TBCD: variants seen among roughly 807,000 people sequenced by gnomAD.
The protein encoded by TBCD is tubulin-specific chaperone D.
A neutral mutation model predicts 169.3 loss-of-function variants in TBCD; 105 were observed. That is an observed-to-expected ratio of 0.62 (90% CI 0.53 to 0.73). The LOEUF (loss-of-function observed/expected upper bound fraction) is 0.73, where lower values mean the gene tolerates loss of function less well. Among genes scored for constraint, TBCD ranks in the 30% least tolerant of loss-of-function variants. The probability of loss-of-function intolerance (pLI) is 0.00; values close to 1 mark genes in which losing one functional copy is unlikely to be tolerated. For missense variants in TBCD, 1,444 were observed against 1,600.1 expected (o/e 0.90, Z 1.66); for synonymous variants, 700 against 643.9 (o/e 1.09, Z -1.32).
At chr17:82,755,163 TGAAA>T (rs572568782) in intron 1 of TBCD, among the ~76,000 whole-genome samples, 22 of 152,144 alleles carry the variant, frequency 1.4e-4, no homozygotes, top group Non-Finnish European at 2.4e-4. Flanking sequence ...GGTGATTGGT[TGAAA>T]GAGTTTATCT....
chr17:82,808,827 G>A lies in TBCD; in HGVS notation c.1149-881G>A, dbSNP rs188467031. Among the ~76,000 whole-genome samples, 509 of 150,382 alleles carry A rather than the reference G, an allele frequency of 3.4e-3. 5 individuals are homozygous for A. Among genetic ancestry groups the A allele is most frequent in the African/African-American group, 0.012 (478 of 40,758 alleles). On this transcript the variant is annotated intron_variant, in intron 11 of 38. Transcript: ENST00000355528. ...CTGAGGTGTCAGGGAGGTCCCTGCT[G>A]TGGAAGGGATGAAGCAGGTGGAGGG... is the stretch of plus-strand genomic sequence containing the variant.
At chr17:82,909,333 T>C (rs1159124979) in intron 22 of TBCD, 26 bp downstream of exon 22, 6 of 1,517,202 alleles carry the variant, frequency 4.0e-6, no homozygotes, top group Admixed American at 2.0e-5. Context: ...CCAAAGTTCT[T>C]ATATCTGTGT....
chr17:82,891,633 C>T (rs1028169768), intron 16 of TBCD, among the ~76,000 whole-genome samples: 1 of 152,318 alleles, frequency 6.6e-6, no homozygotes, highest in Non-Finnish European at 1.5e-5. Flanking sequence ...GCCTAAAAAC[C>T]CTCGGATTTG....
rs115365378 is a variant in TBCD, at chr17:82,883,098, G to A, written c.1476-1047G>A. Reference sequence around the variant, plus strand: ...GCTGGTGAGAGGACGCACACCTGGCGTCACCATTGTCCCCCGTGCATGTCC... The same window carrying A: ...GCTGGTGAGAGGACGCACACCTGGCATCACCATTGTCCCCCGTGCATGTCC... On this transcript the variant is annotated intron_variant, in intron 14 of 38. Coordinates refer to ENST00000355528, the MANE Select transcript of TBCD (RefSeq NM_005993.5). Among the ~76,000 whole-genome samples, 967 of 152,348 alleles carry A rather than the reference G, an allele frequency of 6.3e-3. 15 individuals are homozygous for A. Among genetic ancestry groups the A allele is most frequent in the African/African-American group, 0.022 (917 of 41,582 alleles).
chr17:82,859,395 C>T (rs1004168608), intron 13 of TBCD, among the ~76,000 whole-genome samples: 2 of 145,924 alleles, frequency 1.4e-5, no homozygotes, highest in Non-Finnish European at 3.0e-5. Flanking sequence ...GTCGTCTGGC[C>T]TGCCGGCTCT....
At position 82,752,079 on chromosome 17, in the gene TBCD, C is replaced by A; in HGVS notation, c.-115C>A. ...CGCGGGGCGGGGCCAGCGTCGGTTG[C>A]CGCCTTAGCGGGCGCCTCCTTTTCA... is the stretch of plus-strand genomic sequence containing the variant. On this transcript the variant is annotated 5_prime_UTR_variant, in exon 1 of 39. Coordinates refer to ENST00000355528, the MANE Select transcript of TBCD (RefSeq NM_005993.5). 2 of 1,228,986 alleles carry A rather than the reference C, an allele frequency of 1.6e-6. No individual in the cohort carries two copies. Among genetic ancestry groups the A allele is most frequent in the Non-Finnish European group, 2.1e-6 (2 of 941,444 alleles). 76.1% of individuals were successfully genotyped at this position (1,228,986 alleles called of 1,614,324 possible).
At position 82,929,459 on chromosome 17, in the gene TBCD, C is replaced by CT. The variant is rs1568075070; in HGVS notation, c.2951dup (p.Leu986AlafsTer22). ...GCCCACCTACCGCTACCACGTCCTG[C>CT]TGGGGCTAGTCGTGTCCCTGGGCGG... On this transcript the variant is annotated frameshift_variant, in exon 32 of 39. Coordinates refer to ENST00000355528, the MANE Select transcript of TBCD (RefSeq NM_005993.5). LOFTEE classifies it high-confidence loss of function. 6.2e-7 allele frequency: 1 copy of CT among 1,610,932 alleles called. No individual in the cohort carries two copies. Among genetic ancestry groups the CT allele is most frequent in the Admixed American group, 1.7e-5 (1 of 60,024 alleles).
At chr17:82,913,167 C>G (rs2060766969) in intron 23 of TBCD, 1 of 152,358 alleles carries the variant, frequency 6.6e-6, no homozygotes, top group African/African-American at 2.4e-5. Flanking sequence ...GTTTCTGGAT[C>G]TAGGAGTTTG....
Position 82,831,191 on chromosome 17 carries a change from G to C in TBCD, c.1318+16257G>C. 7 of 1,614,144 alleles carry C rather than the reference G, an allele frequency of 4.3e-6. No homozygotes were observed. Among genetic ancestry groups the C allele is most frequent in the Non-Finnish European group, 5.9e-6 (7 of 1,180,034 alleles). ...AGGCCTTCGCAGGTCTGGCTCGTCT[G>C]CATGAAGTCGGTGGGGCTCGGCCTC... On this transcript the variant is annotated intron_variant, in intron 13 of 38. Transcript: ENST00000355528. The surrounding 1 kb of genome is among the most constrained non-coding windows in gnomAD (Gnocchi z 4.6).
chr17:82,868,089 T>C (rs1051134099), intron 13 of TBCD, among the ~76,000 whole-genome samples: 7 of 151,748 alleles, frequency 4.6e-5, no homozygotes, highest in African/African-American at 1.7e-4. Context: ...TGGTGGGAGG[T>C]GGTCCGGTCC....
At chr17:82,791,905 G>C (rs1036313626) in intron 7 of TBCD, among the ~76,000 whole-genome samples, 3 of 151,984 alleles carry the variant, frequency 2.0e-5, no homozygotes, top group Non-Finnish European at 4.4e-5. Context: ...CAGGTGGTGT[G>C]GCCCGCTGCT....
intron 37 of TBCD, among the ~76,000 whole-genome samples, chr17:82,940,237 ACACACAC>A (rs2063047336): frequency 6.6e-6 from 1 of 151,798 alleles, no homozygotes; most frequent in African/African-American, 2.4e-5. Context: ...ACACACACAC[ACACACAC>A]ACTTCTAAAA....
At chr17:82,936,154 C>T (rs547316314) in intron 34 of TBCD, among the ~76,000 whole-genome samples, 4 of 152,340 alleles carry the variant, frequency 2.6e-5, no homozygotes, top group East Asian at 1.9e-4. Flanking sequence ...GTGTTTCCCT[C>T]GGTCACCCCC....
At chr17:82,934,257 C>A (rs756660790) in intron 34 of TBCD, among the ~76,000 whole-genome samples, 1 of 152,194 alleles carries the variant, frequency 6.6e-6, no homozygotes, top group East Asian at 1.9e-4. Flanking sequence ...CCTTAACCTT[C>A]GGGCGGGAGG....
At chr17:82,827,710 C>T (rs760617247) in intron 13 of TBCD, among the ~76,000 whole-genome samples, 6 of 151,902 alleles carry the variant, frequency 3.9e-5, no homozygotes, top group East Asian at 1.9e-4. Flanking sequence ...CCCACACAAT[C>T]GAATGTGCAT....
Position 82,846,276 on chromosome 17 carries a change from T to C in TBCD, c.1319-23948T>C, listed in dbSNP as rs1005340913. 7.9e-3 allele frequency among the ~76,000 whole-genome samples: 897 copies of C among 113,504 alleles called. 28 individuals are homozygous for C. Among genetic ancestry groups the C allele is most frequent in the African/African-American group, 9.2e-3 (289 of 31,260 alleles). 74.5% of individuals were successfully genotyped at this position (113,504 alleles called of 152,430 possible). A position where few individuals can be genotyped will look rare whatever the true frequency, so the allele number is the denominator to read the frequency against. On this transcript the variant is annotated intron_variant, in intron 13 of 38. Coordinates refer to ENST00000355528, the MANE Select transcript of TBCD (RefSeq NM_005993.5). ...GCGCTGCGTCCTCTGTGCTGTGTCCTCTTGTCCAGCCCTCTGCTGCCCCCT... is the reference window on the plus strand; with the variant it reads ...GCGCTGCGTCCTCTGTGCTGTGTCCCCTTGTCCAGCCCTCTGCTGCCCCCT...
At chr17:82,929,743 C>T (rs1376755302) in intron 32 of TBCD, 4 of 628,804 alleles carry the variant, frequency 6.4e-6, no homozygotes, top group Non-Finnish European at 1.1e-5. Context: ...CTTCCTGCGG[C>T]CGCAGCCTTG....
chr17:82,830,394 C>G, intron 13 of TBCD: 1 of 1,612,212 alleles, frequency 6.2e-7, no homozygotes, highest in Non-Finnish European at 8.5e-7. Context: ...AGGCCGCCAG[C>G]TGGCACAGGG....
In TBCD at chr17:82,799,441, CAAAAAAAA is replaced by C. The variant is rs61017445; in HGVS notation, c.818-1408_818-1401del. On this transcript the variant is annotated intron_variant, in intron 8 of 38. Transcript: ENST00000355528. The stretch of plus-strand genomic sequence containing the variant: ...CTGGCGACAGAGCAAGACTCTGTCT[CAAAAAAAA>C]AAAAAAAAAAAAAAGAAACTATCCG... Among the ~76,000 whole-genome samples, 5 of 72,626 alleles carry C rather than the reference CAAAAAAAA, an allele frequency of 6.9e-5. No homozygotes were observed. The East Asian group carries it at 1.9e-3, about 28-fold the overall frequency. 47.6% of individuals were successfully genotyped at this position (72,626 alleles called of 152,430 possible). A position where few individuals can be genotyped will look rare whatever the true frequency, so the allele number is the denominator to read the frequency against.
Sources: gnomAD v4.1 joint callset for allele counts (sites outside exome capture counted in the v4.1 genomes callset) on GRCh38, gnomAD v4.1.1 for gene constraint, Gnocchi (gnomAD v3.1) non-coding constraint, MANE v1.5 for transcripts, NCBI Gene and HGNC (gene_info 2026-07-23, HGNC 2026-07-21) for gene names.